RALGPS1: variants seen among roughly 807,000 people sequenced by gnomAD.
RALGPS1 encodes ras-specific guanine nucleotide-releasing factor RalGPS1.
In RALGPS1, 19 loss-of-function variants were observed where a neutral mutation model predicts 78.8. That is an observed-to-expected ratio of 0.24 (90% CI 0.17 to 0.35). RALGPS1 has a LOEUF of 0.35. Among genes scored for constraint, RALGPS1 ranks in the 10% least tolerant of loss-of-function variants. The pLI is 1.00. For synonymous variants in RALGPS1, 228 were observed against 256.3 expected, an observed-to-expected ratio of 0.89 and a Z score of 1.06; for missense variants, 454 against 688.3, an observed-to-expected ratio of 0.66 and a Z score of 3.81.
intron 4 of RALGPS1, among the ~76,000 whole-genome samples, chr9:127,024,955 C>T (rs961021754): frequency 3.3e-5 from 5 of 152,100 alleles, no homozygotes; most frequent in Non-Finnish European, 5.9e-5. Flanking sequence ...GTAAAAATCA[C>T]CCATTTTAGT....
At chr9:126,919,945 C>T (rs969971108) in intron 1 of RALGPS1, among the ~76,000 whole-genome samples, 3 of 152,100 alleles carry the variant, frequency 2.0e-5, no homozygotes, top group Non-Finnish European at 2.9e-5. Context: ...TGGAATGCCT[C>T]CTCAGCTCAA....
intron 1 of RALGPS1, among the ~76,000 whole-genome samples, chr9:126,924,876 A>T (rs2035117270): frequency 6.6e-6 from 1 of 152,244 alleles, no homozygotes; most frequent in Non-Finnish European, 1.5e-5. Flanking sequence ...CTGTAATCCC[A>T]GCACTTTGGG....
At chr9:127,195,000 C>T (rs771503505) in intron 11 of RALGPS1, 91 bp from the exon 12 acceptor site, 36 of 1,504,632 alleles carry the variant, frequency 2.4e-5, no homozygotes, top group African/African-American at 1.1e-4. Flanking sequence ...ACTTCAAACC[C>T]GGGGCCCACC....
intron 2 of RALGPS1, among the ~76,000 whole-genome samples, chr9:126,963,194 G>T (rs569005127): frequency 6.6e-6 from 1 of 152,192 alleles, no homozygotes; most frequent in African/African-American, 2.4e-5. Context: ...GTATGATTGT[G>T]TGTGTTTGGG....
chr9:126,977,449 C>G (rs917467098), intron 3 of RALGPS1, among the ~76,000 whole-genome samples: 1 of 152,122 alleles, frequency 6.6e-6, no homozygotes, highest in Non-Finnish European at 1.5e-5. Flanking sequence ...CAACTTTTAT[C>G]AATTCCTAAA....
At chr9:127,035,704 C>T (rs1485678181) in intron 5 of RALGPS1, among the ~76,000 whole-genome samples, 1 of 152,048 alleles carries the variant, frequency 6.6e-6, no homozygotes, top group Admixed American at 6.6e-5. Flanking sequence ...CAGAAAGGCA[C>T]CAGCTTGTAG....
intron 1 of RALGPS1, among the ~76,000 whole-genome samples, chr9:126,941,111 G>A (rs1380961510): frequency 7.0e-6 from 1 of 143,128 alleles, no homozygotes; most frequent in African/African-American, 2.6e-5. Context: ...CATTTTCTCA[G>A]TGAGGACTTC....
chr9:126,954,563 G>A (rs1444195733), intron 1 of RALGPS1, among the ~76,000 whole-genome samples: 1 of 152,174 alleles, frequency 6.6e-6, no homozygotes, highest in Non-Finnish European at 1.5e-5. Context: ...AAAGCAGGTG[G>A]ATCACTTGAG....
At chr9:127,050,234 G>A in intron 6 of RALGPS1, 102 bp downstream of exon 6, 1 of 960,084 alleles carries the variant, frequency 1.0e-6, no homozygotes, top group South Asian at 1.4e-5. Flanking sequence ...CTTTGCTGTG[G>A]GCCTGCCAGG....
intron 5 of RALGPS1, among the ~76,000 whole-genome samples, chr9:127,037,240 C>T (rs998439641): frequency 1.3e-5 from 2 of 152,206 alleles, no homozygotes; most frequent in Non-Finnish European, 2.9e-5. Context: ...GACCAACAGG[C>T]TTGGGCATAT....
chr9:126,965,190 T>C (rs2039353951), intron 2 of RALGPS1, among the ~76,000 whole-genome samples: 1 of 152,216 alleles, frequency 6.6e-6, no homozygotes, highest in African/African-American at 2.4e-5. Context: ...CTCTACTAAA[T>C]ATAACTTTCA....
intron 2 of RALGPS1, among the ~76,000 whole-genome samples, chr9:126,965,119 C>A (rs543061733): frequency 6.6e-6 from 1 of 152,124 alleles, no homozygotes; most frequent in East Asian, 1.9e-4. Flanking sequence ...TTTTAACTTG[C>A]CTTTTTATGG....
In RALGPS1 at chr9:127,218,599, G is replaced by T; in HGVS notation, c.1645-141G>T. 1 of 844,878 alleles carries T rather than the reference G, an allele frequency of 1.2e-6. No individual in the cohort carries two copies. The highest frequency in any genetic ancestry group is 1.4e-5 in the South Asian group (1 of 71,930). The allele number at this position is 844,878 out of a possible 1,614,324, so 52.3% of individuals were successfully genotyped here. ...TGCCACTTCACATGGGGTGGCTATT[G>T]TTATTGCCATACCCTCTCCCTACCC... On this transcript the variant is annotated intron_variant, in intron 18 of 18. Transcript: ENST00000259351. The surrounding 1 kb of genome is among the most constrained non-coding windows in gnomAD (Gnocchi z 4.4).
At chr9:127,181,327 G>A (rs1329929746) in intron 11 of RALGPS1, among the ~76,000 whole-genome samples, 1 of 152,248 alleles carries the variant, frequency 6.6e-6, no homozygotes, top group Non-Finnish European at 1.5e-5. Flanking sequence ...TGCTTGTCAT[G>A]TGCTCACTCA....
chr9:126,964,116 G>C (rs2039201180), intron 2 of RALGPS1, among the ~76,000 whole-genome samples: 1 of 152,102 alleles, frequency 6.6e-6, no homozygotes. Flanking sequence ...CCAGCACTTT[G>C]GGAGGCTGAG....
rs181169537 is a variant in RALGPS1 at position 126,954,483 on chromosome 9, C to G, written c.-65-7742C>G. 3.8e-4 allele frequency among the ~76,000 whole-genome samples: 58 copies of G among 152,300 alleles called. No homozygotes were observed. The East Asian group carries it at 0.01, about 27-fold the overall frequency. Reference sequence around the variant, plus strand: ...AGTGCTGATCAGATCATGTCACTCCCCTGCTCAACACTCTCTAGCACAGCC... The same window carrying G: ...AGTGCTGATCAGATCATGTCACTCCGCTGCTCAACACTCTCTAGCACAGCC... On this transcript the variant is annotated intron_variant, in intron 1 of 18. Transcript: ENST00000259351.
chr9:126,947,790 C>T (rs2037420136), intron 1 of RALGPS1, among the ~76,000 whole-genome samples: 1 of 152,150 alleles, frequency 6.6e-6, no homozygotes, highest in Non-Finnish European at 1.5e-5. Context: ...TAAAGCCTCC[C>T]CAAATCCAGG....
intron 8 of RALGPS1, among the ~76,000 whole-genome samples, chr9:127,085,800 T>C (rs2051659193): frequency 6.6e-6 from 1 of 152,158 alleles, no homozygotes; most frequent in Non-Finnish European, 1.5e-5. Context: ...TTTCCTTTGC[T>C]CTTGTTCCCT....
chr9:127,025,321 T>A (rs1379226845), intron 4 of RALGPS1, among the ~76,000 whole-genome samples: 1 of 152,230 alleles, frequency 6.6e-6, no homozygotes, highest in Non-Finnish European at 1.5e-5. Context: ...GGGTTGTTTC[T>A]AGTCTGGGGA....
Sources: gnomAD v4.1 joint callset for allele counts (sites outside exome capture counted in the v4.1 genomes callset) on GRCh38, gnomAD v4.1.1 for gene constraint, Gnocchi (gnomAD v3.1) non-coding constraint, MANE v1.5 for transcripts, NCBI Gene and HGNC (gene_info 2026-07-23, HGNC 2026-07-21) for gene names.